The following CHD1 variants were observed in gnomAD, a reference collection of about 807,000 sequenced individuals.
CHD1 encodes ATP-dependent chromatin remodeler CHD1.
A neutral mutation model predicts 224.2 loss-of-function variants in CHD1; 36 were observed. The observed-to-expected ratio is 0.16, with a 90% confidence interval of 0.12 to 0.21. CHD1 has a LOEUF of 0.21. Ranked by LOEUF, CHD1 falls within the 10% of genes least tolerant of loss-of-function variation. The pLI is 1.00. For missense variants in CHD1, 1,378 were observed against 1,994.8 expected (o/e 0.69, Z 5.89); for synonymous variants, 668 against 658.3 (o/e 1.01, Z -0.23).
Position 98,883,269 on chromosome 5 carries a change from T to G in CHD1, c.2569-32A>C, listed in dbSNP as rs753496139. On this transcript the variant is annotated intron_variant, in intron 18 of 35. Transcript: ENST00000614616. ...GAAATTGAATAATCAAAATGAAAAA[T>G]TTTTCAATTGATTTTCTGAACGTAA... is the stretch of plus-strand genomic sequence containing the variant. 5.3e-6 allele frequency: 8 copies of G among 1,496,022 alleles called. No individual in the cohort carries two copies. The East Asian group carries it at 1.6e-4, about 30-fold the overall frequency. The allele number at this position is 1,496,022 out of a possible 1,614,324, so 92.7% of individuals were successfully genotyped here.
chr5:98,856,526 C>A lies in CHD1; in HGVS notation c.4987G>T (p.Asp1663Tyr). Residue 1663 changes from aspartate to tyrosine, a missense_variant, in exon 36 of 36, where the codon GAC becomes TAC. Physicochemically the swap from Asp to Tyr is radical, Grantham distance 160. This residue lies in a region of CHD1 where 278 missense variants were observed against 298.5 expected (regional missense o/e 0.93). Transcript: ENST00000614616. ...GAAGCTCTGTGGTCCATTTGCCAGT[C>A]TGAGTGATACCTATAATCCCTGGAA... ...KSSRDYRYHS[D>Y]WQMDHRASSS... 6.2e-7 allele frequency: 1 copy of A among 1,613,876 alleles called. No homozygotes were observed. Among genetic ancestry groups the A allele is most frequent in the Non-Finnish European group, 8.5e-7 (1 of 1,179,834 alleles).
Position 98,903,923 on chromosome 5 carries a change from T to G in CHD1, c.256-15A>C. The G allele has an allele frequency of 1.3e-6, 2 of 1,494,570 alleles. No homozygotes were observed. The highest frequency in any genetic ancestry group is 1.8e-6 in the Non-Finnish European group (2 of 1,087,422). 92.6% of individuals were successfully genotyped at this position (1,494,570 alleles called of 1,614,324 possible). ...GATTTCCAAAACTATAATAGAAATA[T>G]AAACCAGTGAATGAAGAAGTATTAA... On this transcript the variant is annotated splice_polypyrimidine_tract_variant and intron_variant, in intron 3 of 35. Transcript: ENST00000614616.
chr5:98,921,120 T>C (rs1028980601), intron 2 of CHD1, among the ~76,000 whole-genome samples: 2 of 152,240 alleles, frequency 1.3e-5, no homozygotes, highest in Admixed American at 6.5e-5. Flanking sequence ...ATCATAACAA[T>C]GTATACATCA....
At position 98,907,287 on chromosome 5, in the gene CHD1, G is replaced by A. The variant is rs532622779; in HGVS notation, c.54-2189C>T. ...ATTTTATTGAGTTGTTCTTTAGTAC[G>A]ATAAAGAATATGCAAAAAGAGCTGG... On this transcript the variant is annotated intron_variant, in intron 2 of 35. Coordinates refer to ENST00000614616, the MANE Select transcript of CHD1 (RefSeq NM_001270.4). Among the ~76,000 whole-genome samples the A allele has an allele frequency of 9.9e-5, 15 of 152,218 alleles. No individual in the cohort carries two copies. The South Asian group carries it at 2.3e-3, about 23-fold the overall frequency.
At chr5:98,857,242 A>G (rs1748102623) in intron 35 of CHD1, among the ~76,000 whole-genome samples, 1 of 152,108 alleles carries the variant, frequency 6.6e-6, no homozygotes, top group African/African-American at 2.4e-5. Context: ...TCATTACGAA[A>G]TTTACTCCAT....
chr5:98,924,090 T>C lies in CHD1; in HGVS notation c.53+2244A>G, dbSNP rs112015184. ...AGGCAATATGGTGAGACCTCATCTC[T>C]ACAAAAAATTTTAAAATTAGCTGAG... On this transcript the variant is annotated intron_variant, in intron 2 of 35. Transcript: ENST00000614616. 9.2e-3 allele frequency among the ~76,000 whole-genome samples: 1,398 copies of C among 152,186 alleles called. 27 individuals are homozygous for C. Among genetic ancestry groups the C allele is most frequent in the African/African-American group, 0.032 (1,313 of 41,514 alleles).
chr5:98,912,442 A>T (rs1396437720), intron 2 of CHD1, among the ~76,000 whole-genome samples: 3 of 152,142 alleles, frequency 2.0e-5, no homozygotes, highest in Admixed American at 2.0e-4. Context: ...AGGATGAAGC[A>T]GGTGGATCAT....
Position 98,879,614 on chromosome 5 carries a change from C to G in CHD1, c.3175G>C (p.Glu1059Gln), listed in dbSNP as rs749739705. ...ATTTCTTCAAGTTCCTTTTGTCTTT[C>G]TTCTTCTTCTAATCGTCTTCTTTGA... ...EDQRRRLEEE[E>Q]RQKELEEIYM... The change falls in exon 23 of 36, where the codon GAA becomes CAA. Residue 1059 changes from glutamate (E) to glutamine (Q), a missense_variant. Physicochemically the swap from Glu to Gln is conservative, Grantham distance 29. This residue lies in a region of CHD1 where 286 missense variants were observed against 445.1 expected (regional missense o/e 0.64). Transcript: ENST00000614616. 1.2e-6 allele frequency: 2 copies of G among 1,603,324 alleles called. No homozygotes were observed. Among genetic ancestry groups the G allele is most frequent in the African/African-American group, 2.7e-5 (2 of 74,218 alleles).
chr5:98,862,244 T>TC (rs1464743161), intron 32 of CHD1, among the ~76,000 whole-genome samples: 2 of 151,998 alleles, frequency 1.3e-5, no homozygotes, highest in Admixed American at 6.6e-5. Context: ...CTTCCCCATC[T>TC]CCCCCTTAAG....
At chr5:98,923,932 CCTA>C (rs1355951653) in intron 2 of CHD1, among the ~76,000 whole-genome samples, 1 of 152,154 alleles carries the variant, frequency 6.6e-6, no homozygotes, top group Admixed American at 6.5e-5. Context: ...GGTATTTCTA[CCTA>C]CTAACCATTC....
At chr5:98,923,341 A>G (rs1355315097) in intron 2 of CHD1, among the ~76,000 whole-genome samples, 2 of 152,264 alleles carry the variant, frequency 1.3e-5, no homozygotes, top group East Asian at 3.8e-4. Flanking sequence ...CCGAATAATT[A>G]AAGAAATATG....
chr5:98,857,850 G>A (rs1409232152), intron 35 of CHD1, among the ~76,000 whole-genome samples: 1 of 151,762 alleles, frequency 6.6e-6, no homozygotes, highest in African/African-American at 2.4e-5. Context: ...ATTATATCAA[G>A]CTTTTATCCC....
rs978913775 is a variant in CHD1, at chr5:98,854,834, C to G, written c.*1546G>C. The G allele has an allele frequency of 6.6e-6, 1 of 152,100 alleles. No homozygotes were observed. The highest frequency in any genetic ancestry group is 2.4e-5 in the African/African-American group (1 of 41,418). The allele number at this position is 152,100 out of a possible 1,614,324, so 9.4% of individuals were successfully genotyped here. A position where few individuals can be genotyped will look rare whatever the true frequency, so the allele number is the denominator to read the frequency against. Reference sequence around the variant, plus strand: ...ATTATGTCCACATACTTATATTCGTCAAAGATTCAAATTTGTTACATCAAA... The same window carrying G: ...ATTATGTCCACATACTTATATTCGTGAAAGATTCAAATTTGTTACATCAAA... On this transcript the variant is annotated 3_prime_UTR_variant, in exon 36 of 36. Transcript: ENST00000614616.
chr5:98,893,899 GATT>G (rs901926151), intron 13 of CHD1, among the ~76,000 whole-genome samples: 15 of 152,080 alleles, frequency 9.9e-5, no homozygotes, highest in African/African-American at 3.6e-4. Flanking sequence ...TTTTACAAAA[GATT>G]TTTAGCCTAA....
At chr5:98,867,989 T>C (rs1419138570) in intron 31 of CHD1, among the ~76,000 whole-genome samples, 1 of 151,600 alleles carries the variant, frequency 6.6e-6, no homozygotes, top group Non-Finnish European at 1.5e-5. Context: ...TTTTTCTTAG[T>C]AGAGTGTCAC....
At chr5:98,922,649 C>G (rs1304004248) in intron 2 of CHD1, among the ~76,000 whole-genome samples, 1 of 152,308 alleles carries the variant, frequency 6.6e-6, no homozygotes, top group East Asian at 1.9e-4. Flanking sequence ...TAAAAAGCTA[C>G]TTACAATGAA....
intron 20 of CHD1, 40 bp downstream of exon 20, chr5:98,881,935 T>C: frequency 6.4e-7 from 1 of 1,568,434 alleles, no homozygotes; most frequent in Non-Finnish European, 8.7e-7. Flanking sequence ...ATGAGTTTAC[T>C]GACTCTAAAA....
chr5:98,858,147 A>G, intron 35 of CHD1, 33 bp downstream of exon 35: 1 of 1,580,852 alleles, frequency 6.3e-7, no homozygotes, highest in Non-Finnish European at 8.7e-7. Context: ...AAACATGCAT[A>G]AGCAAAATTT....
At chr5:98,861,731 T>C (rs990419669) in intron 32 of CHD1, among the ~76,000 whole-genome samples, 3 of 151,612 alleles carry the variant, frequency 2.0e-5, no homozygotes, top group Middle Eastern at 3.2e-3. Flanking sequence ...CTCAATCTCC[T>C]GACCTTGTGA....
Sources: gnomAD v4.1 joint callset for allele counts (sites outside exome capture counted in the v4.1 genomes callset) on GRCh38, gnomAD v4.1.1 for gene constraint, gnomAD v4.1.1 regional missense constraint, MANE v1.5 for transcripts, NCBI Gene and HGNC (gene_info 2026-07-23, HGNC 2026-07-21) for gene names.